The following MICALL1 variants were observed in gnomAD, a reference collection of about 807,000 sequenced individuals.
MICALL1 encodes MICAL-like protein 1.
In MICALL1, 61 loss-of-function variants were observed where a neutral mutation model predicts 83.7. That is an observed-to-expected ratio of 0.73 (90% CI 0.59 to 0.90). The LOEUF (loss-of-function observed/expected upper bound fraction) is 0.90, where lower values mean the gene tolerates loss of function less well. Ranked by LOEUF, MICALL1 falls within the 40% of genes least tolerant of loss-of-function variation. The pLI, the probability that MICALL1 is intolerant of heterozygous loss-of-function variation, is 0.00. For synonymous variants in MICALL1, 481 were observed against 473.6 expected, an observed-to-expected ratio of 1.02 and a Z score of -0.20; for missense variants, 1,066 against 1,152.0, an observed-to-expected ratio of 0.93 and a Z score of 1.08.
Position 37,941,631 on chromosome 22 carries a change from C to T in MICALL1, c.*801C>T, listed in dbSNP as rs1250148400. On this transcript the variant is annotated 3_prime_UTR_variant, in exon 16 of 16. Coordinates refer to ENST00000215957, the MANE Select transcript of MICALL1 (RefSeq NM_033386.4). ...GGGTGCACTTGAAGCAGGTGCTCAT[C>T]TCGGTTCCTTAACGTTTATAGTCTG... The T allele has an allele frequency of 1.3e-5, 2 of 152,406 alleles. No individual in the cohort carries two copies. Among genetic ancestry groups the T allele is most frequent in the Non-Finnish European group, 2.9e-5 (2 of 68,208 alleles). 9.4% of individuals were successfully genotyped at this position (152,406 alleles called of 1,614,324 possible). A position where few individuals can be genotyped will look rare whatever the true frequency, so the allele number is the denominator to read the frequency against.
intron 1 of MICALL1, among the ~76,000 whole-genome samples, chr22:37,911,395 C>T (rs1928313578): frequency 6.6e-6 from 1 of 152,216 alleles, no homozygotes; most frequent in South Asian, 2.1e-4. Flanking sequence ...GTGTGTGACA[C>T]ACCTGCAGGG....
chr22:37,932,988 C>A lies in MICALL1; in HGVS notation c.2235-51C>A, dbSNP rs376232454. On this transcript the variant is annotated intron_variant, in intron 12 of 15. Transcript: ENST00000215957. The surrounding 1 kb of genome is among the most constrained non-coding windows in gnomAD (Gnocchi z 4.4). ...TCATCAGTAACAGCGCAGGGCAGGG[C>A]AGCCGGGGCTCGGGCAGAATTGTTA... is the stretch of plus-strand genomic sequence containing the variant. The A allele has an allele frequency of 3.7e-5, 59 of 1,612,576 alleles. No individual in the cohort carries two copies. The African/African-American group carries it at 6.7e-4, about 18-fold the overall frequency.
At chr22:37,908,103 G>A (rs73413967) in intron 1 of MICALL1, among the ~76,000 whole-genome samples, 8,089 of 152,108 alleles carry the variant, frequency 0.053, 706 homozygotes, top group African/African-American at 0.18. Flanking sequence ...AAGGCCGCCT[G>A]GTTTGTGTTT....
intron 13 of MICALL1, among the ~76,000 whole-genome samples, chr22:37,936,525 C>A (rs1456091133): frequency 6.6e-6 from 1 of 152,202 alleles, no homozygotes; most frequent in Admixed American, 6.5e-5. Context: ...CCTGCTGGGG[C>A]CCCTTGCAGG....
chr22:37,931,733 G>A, intron 9 of MICALL1, 66 bp from the exon 10 acceptor site: 1 of 1,586,988 alleles, frequency 6.3e-7, no homozygotes, highest in Non-Finnish European at 8.6e-7. Context: ...TCCCAAATAT[G>A]AGGCTGCTGG....
Position 37,940,875 on chromosome 22 carries a change from C to T in MICALL1, c.*45C>T. The T allele has an allele frequency of 6.2e-7, 1 of 1,610,088 alleles. No individual in the cohort carries two copies. Among genetic ancestry groups the T allele is most frequent in the Non-Finnish European group, 8.5e-7 (1 of 1,177,720 alleles). ...GGGACTGCCCCCTCCTGGAGCAGCT[C>T]CTGGGCTGTGCTCTGTTTGAAGGGG... On this transcript the variant is annotated 3_prime_UTR_variant, in exon 16 of 16. Coordinates refer to ENST00000215957, the MANE Select transcript of MICALL1 (RefSeq NM_033386.4).
In MICALL1 at chr22:37,932,452, C is replaced by T. The variant is rs536116399; in HGVS notation, c.2017-101C>T. 2.1e-5 allele frequency: 33 copies of T among 1,535,730 alleles called. No homozygotes were observed. The African/African-American group carries it at 2.3e-4, about 11-fold the overall frequency. ...CCATGCTGGGGTGGGGGACAGGGCC[C>T]GGGCCCTGGAGCCACCAGTGGCCAA... is the stretch of plus-strand genomic sequence containing the variant. On this transcript the variant is annotated intron_variant, in intron 10 of 15. Coordinates refer to ENST00000215957, the MANE Select transcript of MICALL1 (RefSeq NM_033386.4). This position sits in a 1 kb window ranked among gnomAD's most constrained non-coding sequence, Gnocchi z 4.4.
chr22:37,927,668 C>T lies in MICALL1; in HGVS notation c.1723C>T (p.Pro575Ser), dbSNP rs1171805238. 1 of 1,614,164 alleles carries T rather than the reference C, an allele frequency of 6.2e-7. No individual in the cohort carries two copies. Among genetic ancestry groups the T allele is most frequent in the East Asian group, 2.2e-5 (1 of 44,868 alleles). The change falls in exon 9 of 16, where the codon CCT becomes TCT. Residue 575 changes from proline to serine, a missense_variant. Pro to Ser is a moderately conservative substitution (Grantham distance 74). Coordinates refer to ENST00000215957, the MANE Select transcript of MICALL1 (RefSeq NM_033386.4). ...ELVEPRVEQM[P>S]QASPGLAPRT... The stretch of plus-strand genomic sequence containing the variant: ...AGTGGAGCCTAGAGTGGAACAAATG[C>T]CTCAAGCCAGCCCTGGCCTTGCCCC...
At chr22:37,917,870 G>A (rs1928777523) in intron 4 of MICALL1, 75 bp downstream of exon 4, 5 of 1,297,118 alleles carry the variant, frequency 3.9e-6, no homozygotes, top group Non-Finnish European at 5.6e-6. Context: ...TCATTGCAGT[G>A]ACTGGGTCAT....
At chr22:37,928,498 C>T (rs1929615143) in intron 9 of MICALL1, among the ~76,000 whole-genome samples, 1 of 152,196 alleles carries the variant, frequency 6.6e-6, no homozygotes, top group African/African-American at 2.4e-5. Context: ...GAGCCACTGC[C>T]CCCGGCTGTC....
At position 37,930,344 on chromosome 22, in the gene MICALL1, G is replaced by A. The variant is rs1356641100; in HGVS notation, c.1882-1455G>A. Reference sequence around the variant, plus strand: ...AGTGGGGGCCTTGGGGTGCCACCCTGGGTCATTGGGTGGGTGCTGCCCTGT... The same window carrying A: ...AGTGGGGGCCTTGGGGTGCCACCCTAGGTCATTGGGTGGGTGCTGCCCTGT... On this transcript the variant is annotated intron_variant, in intron 9 of 15. Transcript: ENST00000215957. The surrounding 1 kb of genome is among the most constrained non-coding windows in gnomAD (Gnocchi z 4.8). Among the ~76,000 whole-genome samples, 4 of 152,152 alleles carry A rather than the reference G, an allele frequency of 2.6e-5. No individual in the cohort carries two copies. The highest frequency in any genetic ancestry group is 4.4e-5 in the Non-Finnish European group (3 of 68,000).
intron 13 of MICALL1, among the ~76,000 whole-genome samples, chr22:37,936,025 G>A (rs912566525): frequency 4.3e-4 from 65 of 152,212 alleles, no homozygotes; most frequent in African/African-American, 1.4e-3. Flanking sequence ...CACCGGGCCC[G>A]GCCTAGGATA....
chr22:37,924,703 G>A lies in MICALL1; in HGVS notation c.1068G>A (p.Pro356=), dbSNP rs773529972. The A allele has an allele frequency of 6.8e-6, 11 of 1,612,174 alleles. No individual in the cohort carries two copies. Among genetic ancestry groups the A allele is most frequent in the East Asian group, 2.2e-5 (1 of 44,690 alleles). Residue 356 remains proline, a synonymous_variant, in exon 7 of 16, where the codon CCG becomes CCA. Coordinates refer to ENST00000215957, the MANE Select transcript of MICALL1 (RefSeq NM_033386.4). The surrounding 1 kb of genome is among the most constrained non-coding windows in gnomAD (Gnocchi z 5.2). ...ELPVPKPRGT[P]KPSEGTPAPR... is the part of the protein sequence containing the mutation. The stretch of plus-strand genomic sequence containing the variant: ...CTGTCCCCAAGCCGAGGGGGACACC[G>A]AAGCCGTCCGAGGGGTATGTCGATC...
At chr22:37,937,242 T>A in intron 14 of MICALL1, 48 bp downstream of exon 14, 12 of 1,347,282 alleles carry the variant, frequency 8.9e-6, no homozygotes, top group Non-Finnish European at 1.2e-5. Flanking sequence ...CCAGAGCAGG[T>A]CAGGCTCTGG....
At chr22:37,920,959 G>A (rs554867100) in intron 5 of MICALL1, among the ~76,000 whole-genome samples, 2 of 151,630 alleles carry the variant, frequency 1.3e-5, no homozygotes, top group Non-Finnish European at 1.5e-5. Context: ...GTAGTGGCAC[G>A]CACCTGTAGT....
Position 37,925,894 on chromosome 22 carries a change from C to T in MICALL1, c.1316C>T (p.Pro439Leu). The T allele has an allele frequency of 1.2e-6, 2 of 1,612,814 alleles. No homozygotes were observed. Among genetic ancestry groups the T allele is most frequent in the Non-Finnish European group, 1.7e-6 (2 of 1,179,486 alleles). Residue 439 changes from proline (P) to leucine (L), a missense_variant, in exon 8 of 16, where the codon CCA (proline) becomes CTA (leucine). Transcript: ENST00000215957. ...EEEEDKEEEA[P>L]AAPSLATSPA... is the part of the protein sequence containing the mutation. ...GAGGAGGACAAGGAGGAAGAGGCTC[C>T]AGCTGCACCCAGCCTGGCCACCAGC...
At chr22:37,913,518 G>A (rs1225637512) in intron 3 of MICALL1, among the ~76,000 whole-genome samples, 1 of 152,216 alleles carries the variant, frequency 6.6e-6, no homozygotes, top group Non-Finnish European at 1.5e-5. Context: ...GGCTCTGTCT[G>A]GTGAGGCTGC....
At position 37,933,229 on chromosome 22, in the gene MICALL1, C is replaced by G. The variant is rs925971835; in HGVS notation, c.2308+117C>G. 1.0e-5 allele frequency: 11 copies of G among 1,061,094 alleles called. No homozygotes were observed. In the Middle Eastern group the frequency reaches 9.6e-4, roughly 92 times the overall value. 65.7% of individuals were successfully genotyped at this position (1,061,094 alleles called of 1,614,324 possible). A position where few individuals can be genotyped will look rare whatever the true frequency, so the allele number is the denominator to read the frequency against. On this transcript the variant is annotated intron_variant, in intron 13 of 15. Transcript: ENST00000215957. ...ATGCACAGGCAGACTGGGGACAGGG[C>G]CAGAGGAGGAGGTGCGGGGCAGGGC...
At chr22:37,928,316 T>C (rs6000943) in intron 9 of MICALL1, among the ~76,000 whole-genome samples, 59,384 of 151,746 alleles carry the variant, frequency 0.39, 11,784 homozygotes, top group African/African-American at 0.44. Flanking sequence ...ACACCATTCT[T>C]CTGTCTCAGT....
Sources: allele counts gnomAD v4.1 joint callset (sites outside exome capture counted in the v4.1 genomes callset), GRCh38; gene constraint gnomAD v4.1.1; non-coding constraint Gnocchi (gnomAD v3.1); transcripts MANE v1.5; gene names NCBI Gene and HGNC (gene_info 2026-07-23, HGNC 2026-07-21).